Variants in TDRD9 observed in about 807,000 individuals in gnomAD.
TDRD9 encodes tudor domain containing 9, also known as ATP-dependent RNA helicase TDRD9.
A neutral mutation model predicts 172.6 loss-of-function variants in TDRD9; 124 were observed. That is an observed-to-expected ratio of 0.72 (90% CI 0.62 to 0.83). The LOEUF is 0.83. Ranked by LOEUF, TDRD9 falls within the 40% of genes least tolerant of loss-of-function variation. The pLI, the probability that TDRD9 is intolerant of heterozygous loss-of-function variation, is 0.00. For synonymous variants in TDRD9, 619 were observed against 617.1 expected (o/e 1.00, Z -0.05); for missense variants, 1,479 against 1,714.1 (o/e 0.86, Z 2.42).
At chr14:103,977,461 C>G (rs1170347752) in intron 7 of TDRD9, among the ~76,000 whole-genome samples, 1 of 128,278 alleles carries the variant, frequency 7.8e-6, no homozygotes, top group Non-Finnish European at 1.6e-5. Flanking sequence ...CCACTGCACT[C>G]CAGCCTGGGT....
chr14:104,003,677 A>C (rs1315169294), intron 13 of TDRD9, among the ~76,000 whole-genome samples: 2 of 152,108 alleles, frequency 1.3e-5, no homozygotes, highest in African/African-American at 4.8e-5. Flanking sequence ...GTCACAAGAG[A>C]GTAGTAGTTT....
rs576652143 is a variant in TDRD9, at chr14:104,041,701, G to A, written c.3856-368G>A. Among the ~76,000 whole-genome samples, 20 of 152,334 alleles carry A rather than the reference G, an allele frequency of 1.3e-4. 2 individuals carry two copies. The highest frequency in any genetic ancestry group is 4.8e-4 in the African/African-American group (20 of 41,568). On this transcript the variant is annotated intron_variant, in intron 33 of 35. Coordinates refer to ENST00000409874, the MANE Select transcript of TDRD9 (RefSeq NM_153046.3). ...GACAGTAACCAGCAATGGCAAGGAG[G>A]TGGTGCAGGGGGACCGGGGACCTTT...
intron 1 of TDRD9, among the ~76,000 whole-genome samples, chr14:103,948,644 A>G (rs1448699981): frequency 6.6e-6 from 1 of 152,080 alleles, no homozygotes; most frequent in African/African-American, 2.4e-5. Flanking sequence ...AAAGGAAGAA[A>G]ATTCTGACAT....
At chr14:103,969,713 A>G (rs1473787163) in intron 5 of TDRD9, among the ~76,000 whole-genome samples, 1 of 149,848 alleles carries the variant, frequency 6.7e-6, no homozygotes, top group East Asian at 2.0e-4. Context: ...CCAGAATAGA[A>G]TCTTACCGTC....
At chr14:103,939,907 C>G (rs2031110791) in intron 1 of TDRD9, 2 of 150,316 alleles carry the variant, frequency 1.3e-5, no homozygotes, top group Non-Finnish European at 3.0e-5. Flanking sequence ...CCACCACACC[C>G]AGCTAGTTCC....
chr14:104,032,736 T>C (rs1282925242), intron 30 of TDRD9, among the ~76,000 whole-genome samples: 1 of 152,220 alleles, frequency 6.6e-6, no homozygotes, highest in Non-Finnish European at 1.5e-5. Context: ...AAGAAACAGT[T>C]GTTTGTCTTC....
intron 2 of TDRD9, among the ~76,000 whole-genome samples, chr14:103,962,073 C>T (rs1399176652): frequency 2.0e-5 from 3 of 152,088 alleles, no homozygotes; most frequent in Admixed American, 6.6e-5. Context: ...AAGTGATGAC[C>T]AGAGGTTTAG....
intron 7 of TDRD9, among the ~76,000 whole-genome samples, chr14:103,978,461 A>C (rs2033343625): frequency 6.6e-6 from 1 of 152,104 alleles, no homozygotes; most frequent in Non-Finnish European, 1.5e-5. Flanking sequence ...AAACCTACTA[A>C]CTAAACTTCA....
chr14:103,982,362 C>T (rs2033506179), intron 7 of TDRD9, among the ~76,000 whole-genome samples: 1 of 152,190 alleles, frequency 6.6e-6, no homozygotes, highest in Non-Finnish European at 1.5e-5. Flanking sequence ...GTGGTGTCCC[C>T]TGTTGCCACT....
intron 32 of TDRD9, 108 bp downstream of exon 32, chr14:104,035,164 G>GCATAAATACAGGCTTCACC (rs2035413687): frequency 5.1e-6 from 4 of 784,974 alleles, no homozygotes; most frequent in Non-Finnish European, 8.3e-6. Context: ...ATGGAAGCTA[G>GCATAAATACAGGCTTCACC]CCATGGCACG....
intron 13 of TDRD9, among the ~76,000 whole-genome samples, chr14:103,999,727 T>C (rs1224142697): frequency 8.9e-6 from 1 of 112,950 alleles, no homozygotes; most frequent in Non-Finnish European, 1.9e-5. Flanking sequence ...AAAGGCAACA[T>C]TGATTGAATA....
intron 22 of TDRD9, 105 bp downstream of exon 22, chr14:104,016,193 G>T: frequency 1.3e-6 from 1 of 787,324 alleles, no homozygotes; most frequent in Non-Finnish European, 2.0e-6. Flanking sequence ...TTTTCCCCTG[G>T]CGTGAATATT....
At chr14:103,999,091 C>T (rs2034165292) in intron 13 of TDRD9, among the ~76,000 whole-genome samples, 1 of 152,214 alleles carries the variant, frequency 6.6e-6, no homozygotes, top group African/African-American at 2.4e-5. Flanking sequence ...CCGTGCCCGG[C>T]CATTCAGATG....
intron 9 of TDRD9, among the ~76,000 whole-genome samples, chr14:103,993,771 G>A (rs141331401): frequency 1.3e-5 from 2 of 152,154 alleles, no homozygotes; most frequent in Non-Finnish European, 2.9e-5. Flanking sequence ...AATTACATCT[G>A]CAATGACTCT....
intron 30 of TDRD9, among the ~76,000 whole-genome samples, chr14:104,033,614 C>T (rs1397843507): frequency 1.3e-5 from 2 of 152,084 alleles, no homozygotes; most frequent in Non-Finnish European, 2.9e-5. Flanking sequence ...TGCCAGGATG[C>T]AGGTGATGGC....
At chr14:104,049,885 G>A (rs575940862) in intron 35 of TDRD9, 7 of 515,138 alleles carry the variant, frequency 1.4e-5, no homozygotes, top group East Asian at 1.2e-4. Context: ...GTGATGTCCC[G>A]GCAAAGAGTC....
At chr14:103,969,910 C>T (rs1213671083) in intron 5 of TDRD9, among the ~76,000 whole-genome samples, 1 of 152,090 alleles carries the variant, frequency 6.6e-6, no homozygotes, top group Non-Finnish European at 1.5e-5. Flanking sequence ...TGAGGTGCTG[C>T]CTCCCTGACT....
chr14:103,972,834 G>C (rs1304348547), intron 6 of TDRD9, among the ~76,000 whole-genome samples: 1 of 152,180 alleles, frequency 6.6e-6, no homozygotes, highest in Non-Finnish European at 1.5e-5. Context: ...CTCGACACTT[G>C]CAATCAGTTG....
rs2034458451 is a variant in TDRD9, at chr14:104,006,899, A to AT, written c.2007+58dup. 9.7e-6 allele frequency: 14 copies of AT among 1,450,722 alleles called. No homozygotes were observed. In the South Asian group the frequency reaches 1.7e-4, roughly 17 times the overall value. 89.9% of individuals were successfully genotyped at this position (1,450,722 alleles called of 1,614,324 possible). ...AGCAGCTACCACAGATTGTTAGTAC[A>AT]TTTTCATACCACAAACATATGAGGT... is the stretch of plus-strand genomic sequence containing the variant. On this transcript the variant is annotated intron_variant, in intron 18 of 35. Coordinates refer to ENST00000409874, the MANE Select transcript of TDRD9 (RefSeq NM_153046.3).
Sources: allele counts gnomAD v4.1 joint callset (sites outside exome capture counted in the v4.1 genomes callset), GRCh38; gene constraint gnomAD v4.1.1; transcripts MANE v1.5; gene names NCBI Gene and HGNC (gene_info 2026-07-23, HGNC 2026-07-21).